Variants in HELB observed in about 807,000 individuals in gnomAD.
HELB encodes DNA helicase B, also known as DNA 5'-3' helicase B.
A neutral mutation model predicts 101.7 loss-of-function variants in HELB; 96 were observed. The ratio of observed to expected loss-of-function variants is 0.94; its 90% CI spans 0.80 to 1.12. HELB has a LOEUF of 1.12. HELB is among the 50% of genes most tolerant of loss of function. The pLI is 0.00. For missense variants in HELB, 1,210 were observed against 1,291.9 expected (o/e 0.94, Z 0.97); for synonymous variants, 437 against 459.7 (o/e 0.95, Z 0.63).
intron 11 of HELB, among the ~76,000 whole-genome samples, chr12:66,327,873 T>C (rs1445258079): frequency 6.6e-6 from 1 of 152,110 alleles, no homozygotes; most frequent in Non-Finnish European, 1.5e-5. Flanking sequence ...TGGGAGTGGG[T>C]GCAATTGTGA....
chr12:66,302,929 G>A, intron 1 of HELB, 139 bp downstream of exon 1: 1 of 624,934 alleles, frequency 1.6e-6, no homozygotes, highest in Non-Finnish European at 2.7e-6. Flanking sequence ...ATCCTACCAA[G>A]GGTAAAATTA....
In HELB at chr12:66,302,646, C is replaced by T; in HGVS notation, c.43C>T (p.Leu15=). 6.2e-7 allele frequency: 1 copy of T among 1,614,162 alleles called. No individual in the cohort carries two copies. Among genetic ancestry groups the T allele is most frequent in the Non-Finnish European group, 8.5e-7 (1 of 1,179,996 alleles). The change falls in exon 1 of 13, where the codon CTG becomes TTG. Residue 15 remains leucine, a synonymous_variant. Coordinates refer to ENST00000247815, the MANE Select transcript of HELB (RefSeq NM_001370285.1). ...GTACCTGCGCCAACTTCAGGGACCT[C>T]TGCTCCCACCCAGGGATCTGGTGGA... The part of the protein sequence containing the change: ...SPYLRQLQGP[L]LPPRDLVEED...
At chr12:66,307,127 G>T (rs933860189) in intron 3 of HELB, among the ~76,000 whole-genome samples, 1 of 152,164 alleles carries the variant, frequency 6.6e-6, no homozygotes, top group African/African-American at 2.4e-5. Flanking sequence ...TTATAAGGTG[G>T]TTTTGCAAAG....
chr12:66,309,726 A>G lies in HELB; in HGVS notation c.798A>G (p.Lys266=). The G allele has an allele frequency of 6.2e-7, 1 of 1,607,870 alleles. No individual in the cohort carries two copies. The highest frequency in any genetic ancestry group is 8.5e-7 in the Non-Finnish European group (1 of 1,176,198). ...GFSKITYREW[K]LLRCEASWIA... The stretch of plus-strand genomic sequence containing the variant: ...TAAAGATAACCTACAGAGAGTGGAA[A>G]CTCCTGCGATGTGAGGCAAGTTGGA... Residue 266 remains lysine (K), a synonymous_variant, in exon 4 of 13, where the codon AAA becomes AAG. Coordinates refer to ENST00000247815, the MANE Select transcript of HELB (RefSeq NM_001370285.1).
chr12:66,336,482 G>A (rs923526869), intron 12 of HELB, among the ~76,000 whole-genome samples: 2 of 152,314 alleles, frequency 1.3e-5, no homozygotes, highest in South Asian at 2.1e-4. Flanking sequence ...CAGCAGACTT[G>A]TTCAGTTGAG....
chr12:66,307,778 C>G (rs1182515657), intron 3 of HELB, among the ~76,000 whole-genome samples: 2 of 150,932 alleles, frequency 1.3e-5, no homozygotes, highest in Admixed American at 6.6e-5. Context: ...CCCACCCAGC[C>G]TGGAGTGCAA....
At chr12:66,308,254 G>T (rs1280938575) in intron 3 of HELB, among the ~76,000 whole-genome samples, 2 of 152,050 alleles carry the variant, frequency 1.3e-5, no homozygotes, top group African/African-American at 4.8e-5. Context: ...CCAGGCTTGG[G>T]GATACCAGGT....
rs1036803381 is a variant in HELB, at chr12:66,336,973, G to A, written c.3163-1028G>A. ...CCAAAAGATTATTTCAGTAACCTGC[G>A]TAAAATGAGGAGGTTCTAACATTAG... On this transcript the variant is annotated intron_variant, in intron 12 of 12. Coordinates refer to ENST00000247815, the MANE Select transcript of HELB (RefSeq NM_001370285.1). Among the ~76,000 whole-genome samples the A allele has an allele frequency of 5.3e-5, 8 of 152,136 alleles. No individual in the cohort carries two copies. The South Asian group carries it at 6.2e-4, about 12-fold the overall frequency.
chr12:66,304,610 A>G, intron 1 of HELB, 121 bp from the exon 2 acceptor site: 3 of 855,516 alleles, frequency 3.5e-6, no homozygotes, highest in Non-Finnish European at 3.5e-6. Flanking sequence ...CCTACCAGAC[A>G]TCTTTAGAGA....
chr12:66,338,808 G>A (rs2053894549), downstream of HELB: 2 of 152,250 alleles, frequency 1.3e-5, no homozygotes, highest in South Asian at 2.1e-4. Flanking sequence ...ATCTGTTGAT[G>A]TTATTGACAT....
intron 12 of HELB, 140 bp from the exon 13 acceptor site, chr12:66,337,861 A>G (rs1460090808): frequency 1.3e-5 from 8 of 599,692 alleles, no homozygotes; most frequent in Non-Finnish European, 1.8e-5. Flanking sequence ...CTGATAGCCA[A>G]TTGCTTTGGT....
chr12:66,331,754 T>TAA (rs1326944100), intron 12 of HELB, 109 bp downstream of exon 12: 1 of 1,064,566 alleles, frequency 9.4e-7, no homozygotes, highest in East Asian at 2.4e-5. Context: ...CTGTTGGACT[T>TAA]AAAAACAATT....
chr12:66,335,919 G>C (rs542000397), intron 12 of HELB, among the ~76,000 whole-genome samples: 1 of 152,072 alleles, frequency 6.6e-6, no homozygotes, highest in Non-Finnish European at 1.5e-5. Flanking sequence ...GTTCCTGAAG[G>C]CTTCTTTTTC....
At position 66,322,839 on chromosome 12, in the gene HELB, T is replaced by G. The variant is rs76418380; in HGVS notation, c.2297+56T>G. On this transcript the variant is annotated intron_variant, in intron 9 of 12. Coordinates refer to ENST00000247815, the MANE Select transcript of HELB (RefSeq NM_001370285.1). ...GGACAGTCCTTCTTCGATTTGCTGG[T>G]TTTTTTTTTTGCTTTGATGTTTGTC... 1.1e-4 allele frequency: 72 copies of G among 654,542 alleles called. 1 individual carries two copies. Among genetic ancestry groups the G allele is most frequent in the Middle Eastern group, 6.2e-4 (2 of 3,248 alleles). The allele number at this position is 654,542 out of a possible 1,614,324, so 40.5% of individuals were successfully genotyped here.
Position 66,331,136 on chromosome 12 carries a change from C to T in HELB, c.2671-18C>T, listed in dbSNP as rs775391669. 5.1e-6 allele frequency: 8 copies of T among 1,581,934 alleles called. No individual in the cohort carries two copies. In the South Asian group the frequency reaches 7.0e-5, roughly 14 times the overall value. ...TATTTTATAGCATTTAGTCTTCACACCATATTTTTCCTGCCAGGGGTCCGA... is the reference window on the plus strand; with the variant it reads ...TATTTTATAGCATTTAGTCTTCACATCATATTTTTCCTGCCAGGGGTCCGA... On this transcript the variant is annotated intron_variant, in intron 11 of 12. Transcript: ENST00000247815.
At chr12:66,305,746 TAA>T (rs11340576) in intron 2 of HELB, among the ~76,000 whole-genome samples, 382 of 147,080 alleles carry the variant, frequency 2.6e-3, no homozygotes, top group Admixed American at 2.9e-3. Flanking sequence ...CCGTCTCAGT[TAA>T]AAAAAAAAAA....
At chr12:66,329,228 G>T (rs1322578677) in intron 11 of HELB, among the ~76,000 whole-genome samples, 2 of 152,194 alleles carry the variant, frequency 1.3e-5, no homozygotes. Flanking sequence ...ATCTTGGAGT[G>T]CAGAATTCCA....
rs1392208970 is a variant in HELB at position 66,310,444 on chromosome 12, G to A, written c.1516G>A (p.Asp506Asn). ...AAGAGAAGTAAAAAAAGCCTGTGAA[G>A]ATTTTGAACAAGACCAGAATGCTTC... ...EEREVKKACE[D>N]FEQDQNASEE... is the part of the protein sequence containing the mutation. The change falls in exon 4 of 13, where the codon GAT becomes AAT. Residue 506 changes from aspartate (D) to asparagine (N), a missense_variant. By Grantham distance (23) the Asp-to-Asn change is conservative. This residue lies in a region of HELB where 740 missense variants were observed against 728.8 expected (regional missense o/e 1.02). Transcript: ENST00000247815. 1.9e-6 allele frequency: 3 copies of A among 1,614,042 alleles called. No individual in the cohort carries two copies. The highest frequency in any genetic ancestry group is 3.3e-5 in the Admixed American group (2 of 59,990).
At chr12:66,322,858 G>A in intron 9 of HELB, 75 bp downstream of exon 9, 2 of 916,392 alleles carry the variant, frequency 2.2e-6, no homozygotes, top group Non-Finnish European at 3.4e-6. Context: ...TTGCTTTGAT[G>A]TTTGTCACCT....
Sources: gnomAD v4.1 joint callset for allele counts (sites outside exome capture counted in the v4.1 genomes callset) on GRCh38, gnomAD v4.1.1 for gene constraint, gnomAD v4.1.1 regional missense constraint, MANE v1.5 for transcripts, NCBI Gene and HGNC (gene_info 2026-07-23, HGNC 2026-07-21) for gene names.